Variants in MSH3 observed in about 807,000 individuals in gnomAD.
The protein encoded by MSH3 is mutS homolog 3, also known as DNA mismatch repair protein Msh3.
Under a neutral mutation model 123.3 loss-of-function variants are expected in MSH3, and 106 were observed. The ratio of observed to expected loss-of-function variants is 0.86; its 90% CI spans 0.73 to 1.01. The LOEUF is 1.01. Ranked by LOEUF, MSH3 falls within the 50% of genes least tolerant of loss-of-function variation. The probability of loss-of-function intolerance (pLI) is 0.00; values close to 1 mark genes in which losing one functional copy is unlikely to be tolerated. For synonymous variants in MSH3, 515 were observed against 481.4 expected (o/e 1.07, Z -0.91); for missense variants, 1,459 against 1,347.6 (o/e 1.08, Z -1.29).
At chr5:80,807,620 T>C (rs899135213) in intron 19 of MSH3, among the ~76,000 whole-genome samples, 4 of 152,252 alleles carry the variant, frequency 2.6e-5, no homozygotes, top group African/African-American at 9.6e-5. Flanking sequence ...TTTATTGTCA[T>C]GCATTTGTAT....
intron 21 of MSH3, chr5:80,855,591 A>G (rs1745902315): frequency 6.6e-6 from 1 of 152,214 alleles, no homozygotes; most frequent in South Asian, 2.1e-4. Flanking sequence ...CATGAGAATG[A>G]TTCCTGACTA....
intron 7 of MSH3, among the ~76,000 whole-genome samples, chr5:80,678,018 T>G (rs1178559155): frequency 6.6e-6 from 1 of 152,180 alleles, no homozygotes; most frequent in Non-Finnish European, 1.5e-5. Flanking sequence ...AATTGCTGAA[T>G]TATAGGGTGT....
chr5:80,729,430 A>AGTG (rs1491210653), intron 10 of MSH3, among the ~76,000 whole-genome samples: 13 of 78,376 alleles, frequency 1.7e-4, no homozygotes, highest in Non-Finnish European at 3.0e-4. Flanking sequence ...AAAAAAAAAA[A>AGTG]TGTGTGTGTG....
chr5:80,657,448 A>G (rs1749318401), intron 2 of MSH3, among the ~76,000 whole-genome samples: 1 of 152,204 alleles, frequency 6.6e-6, no homozygotes, highest in South Asian at 2.1e-4. Flanking sequence ...CTCAAAACAA[A>G]AAACAAACAA....
chr5:80,719,318 T>G (rs954179773), intron 8 of MSH3, among the ~76,000 whole-genome samples: 1 of 152,154 alleles, frequency 6.6e-6, no homozygotes, highest in Non-Finnish European at 1.5e-5. Context: ...AGTGCTGGGA[T>G]TACAGGCATG....
intron 22 of MSH3, among the ~76,000 whole-genome samples, chr5:80,869,815 T>TATATATACATATATAC (rs1746174765): frequency 2.3e-5 from 2 of 85,386 alleles, no homozygotes; most frequent in African/African-American, 1.0e-4. Context: ...CATATATACA[T>TATATATACATATATAC]ATATATATAC....
At chr5:80,747,000 C>T (rs1363990858) in intron 12 of MSH3, among the ~76,000 whole-genome samples, 1 of 152,090 alleles carries the variant, frequency 6.6e-6, no homozygotes, top group Non-Finnish European at 1.5e-5. Context: ...GACCTTAAGA[C>T]ATGGGAAACT....
chr5:80,695,235 T>C (rs1750450571), intron 8 of MSH3, among the ~76,000 whole-genome samples: 1 of 152,084 alleles, frequency 6.6e-6, no homozygotes. Flanking sequence ...TAATTTCTAT[T>C]GTTCTGTTTT....
intron 8 of MSH3, among the ~76,000 whole-genome samples, chr5:80,681,282 T>C (rs1255812464): frequency 3.9e-5 from 6 of 152,084 alleles, no homozygotes; most frequent in Non-Finnish European, 8.8e-5. Context: ...ACTAAAAAAA[T>C]TAATAAAATC....
rs836806 is a variant in MSH3, at chr5:80,679,164, T to C, written c.1340+71T>C. The C allele has an allele frequency of 0.25, 370,071 of 1,453,870 alleles. 49,680 individuals carry two copies. The highest frequency in any genetic ancestry group is 0.38 in the Middle Eastern group (1,718 of 4,526). 90.1% of individuals were successfully genotyped at this position (1,453,870 alleles called of 1,614,324 possible). A position where few individuals can be genotyped will look rare whatever the true frequency, so the allele number is the denominator to read the frequency against. ...GGTTTAGTTCCAAAACTGATACTTA[T>C]TAAAGTTGCTAAAAATAGTTTTTAC... On this transcript the variant is annotated intron_variant, in intron 8 of 23. Transcript: ENST00000265081.
At chr5:80,664,704 C>T (rs973101601) in intron 2 of MSH3, among the ~76,000 whole-genome samples, 2 of 152,132 alleles carry the variant, frequency 1.3e-5, no homozygotes, top group Non-Finnish European at 2.9e-5. Context: ...ATTCCTGAGT[C>T]TTTTGAGCAT....
chr5:80,753,158 C>A (rs1431679399), intron 12 of MSH3, among the ~76,000 whole-genome samples: 1 of 152,132 alleles, frequency 6.6e-6, no homozygotes, highest in East Asian at 1.9e-4. Flanking sequence ...GAAAATGAGA[C>A]CCATGCACAT....
intron 21 of MSH3, among the ~76,000 whole-genome samples, chr5:80,857,868 T>A (rs1277740107): frequency 6.6e-6 from 1 of 152,114 alleles, no homozygotes; most frequent in Non-Finnish European, 1.5e-5. Flanking sequence ...CCCATTGCTT[T>A]CTTGTTTTAA....
At chr5:80,658,037 C>CTTTTTTT (rs397942439) in intron 2 of MSH3, among the ~76,000 whole-genome samples, 4 of 116,620 alleles carry the variant, frequency 3.4e-5, no homozygotes, top group African/African-American at 1.0e-4. Context: ...TTTTTGCCCT[C>CTTTTTTT]TTTTTTTTTT....
intron 6 of MSH3, among the ~76,000 whole-genome samples, chr5:80,673,975 G>T (rs1262076724): frequency 6.6e-6 from 1 of 152,156 alleles, no homozygotes; most frequent in Non-Finnish European, 1.5e-5. Flanking sequence ...GTTTATTACA[G>T]ATCTGCTTAT....
intron 9 of MSH3, 38 bp downstream of exon 9, chr5:80,725,603 T>G: frequency 7.2e-7 from 1 of 1,382,380 alleles, no homozygotes; most frequent in Non-Finnish European, 1.0e-6. Context: ...GTTGAACTGA[T>G]TTGAAATTTG....
At chr5:80,863,658 C>CAA (rs1037828159) in intron 21 of MSH3, among the ~76,000 whole-genome samples, 65 of 110,714 alleles carry the variant, frequency 5.9e-4, no homozygotes, top group African/African-American at 1.9e-3. Context: ...CACTCCGTCT[C>CAA]AAAAAAAAAA....
intron 10 of MSH3, among the ~76,000 whole-genome samples, chr5:80,730,695 A>G (rs997103891): frequency 6.6e-6 from 1 of 151,958 alleles, no homozygotes; most frequent in Non-Finnish European, 1.5e-5. Flanking sequence ...CTTGTTCATG[A>G]TAGGGACCCT....
rs6151793 is a variant in MSH3, at chr5:80,761,154, G to A, written c.1764-392G>A. On this transcript the variant is annotated intron_variant, in intron 12 of 23. Transcript: ENST00000265081. ...GTAAAATTAGGCCCGCAGACAATTC[G>A]AAGGAGGAGAAAAATGGAATTTATT... Among the ~76,000 whole-genome samples the A allele has an allele frequency of 4.6e-3, 703 of 152,256 alleles. 8 individuals are homozygous for A. The highest frequency in any genetic ancestry group is 0.016 in the African/African-American group (678 of 41,546).
Sources: gnomAD v4.1 joint callset for allele counts (sites outside exome capture counted in the v4.1 genomes callset) on GRCh38, gnomAD v4.1.1 for gene constraint, MANE v1.5 for transcripts, NCBI Gene and HGNC (gene_info 2026-07-23, HGNC 2026-07-21) for gene names.